Variants in LAMA2 observed in about 807,000 individuals in gnomAD.
LAMA2 encodes the protein laminin subunit alpha 2.
In LAMA2, 269 loss-of-function variants were observed where a neutral mutation model predicts 364.8. The ratio of observed to expected loss-of-function variants is 0.74; its 90% CI spans 0.67 to 0.82. The LOEUF is 0.82. Among genes scored for constraint, LAMA2 ranks in the 40% least tolerant of loss-of-function variants. The probability of loss-of-function intolerance (pLI) is 0.00; values close to 1 mark genes in which losing one functional copy is unlikely to be tolerated. For missense variants in LAMA2, 3,807 were observed against 3,873.2 expected (o/e 0.98, Z 0.45); for synonymous variants, 1,379 against 1,370.6 (o/e 1.01, Z -0.14).
chr6:128,929,895 A>T lies in LAMA2; in HGVS notation c.112+46538A>T. On this transcript the variant is annotated intron_variant, in intron 1 of 64. Transcript: ENST00000421865. ...TGAAGATCAGGTGACAGCTGAGTGT[A>T]TGGGATGTGCAGGTACGCAGCAAGC... 3.4e-6 allele frequency: 3 copies of T among 877,776 alleles called. No homozygotes were observed. The South Asian group carries it at 4.3e-5, about 13-fold the overall frequency. The allele number at this position is 877,776 out of a possible 1,614,324, so 54.4% of individuals were successfully genotyped here.
intron 24 of LAMA2, 43 bp downstream of exon 24, chr6:129,314,841 T>C (rs1774478940): frequency 6.2e-7 from 1 of 1,608,210 alleles, no homozygotes; most frequent in Non-Finnish European, 8.5e-7. Flanking sequence ...ATAATGTTAG[T>C]TCCTGCTGGT....
intron 1 of LAMA2, among the ~76,000 whole-genome samples, chr6:128,898,279 C>A (rs1047823215): frequency 6.6e-6 from 1 of 152,034 alleles, no homozygotes; most frequent in Admixed American, 6.6e-5. Flanking sequence ...AATAGAACTG[C>A]CTATTTATTT....
At position 129,403,883 on chromosome 6, in the gene LAMA2, A is replaced by G. The variant is rs1780109609; in HGVS notation, c.5789A>G (p.Asn1930Ser). 1.2e-6 allele frequency: 2 copies of G among 1,613,814 alleles called. No individual in the cohort carries two copies. Among genetic ancestry groups the G allele is most frequent in the South Asian group, 1.1e-5 (1 of 91,072 alleles). ...ACTGCAGCCTTCAAAGCTTACAGCAATATTAAGGACTATATTGATGAAGCT... is the reference window on the plus strand; with the variant it reads ...ACTGCAGCCTTCAAAGCTTACAGCAGTATTAAGGACTATATTGATGAAGCT... ...NATAAFKAYSNIKDYIDEAEK... is the reference protein window; with the variant it reads ...NATAAFKAYSSIKDYIDEAEK... Residue 1930 changes from asparagine (N) to serine (S), a missense_variant, in exon 40 of 65, where the codon AAT (asparagine) becomes AGT (serine). Asn to Ser is a conservative substitution (Grantham distance 46, BLOSUM62 1). Around this residue, in one of 3 missense-constraint regions of LAMA2, gnomAD observed 3,333 missense variants for 3,345.7 expected, o/e 1.00. Coordinates refer to ENST00000421865, the MANE Select transcript of LAMA2 (RefSeq NM_000426.4).
intron 48 of LAMA2, among the ~76,000 whole-genome samples, chr6:129,459,244 A>G (rs1207324567): frequency 1.3e-5 from 2 of 152,148 alleles, no homozygotes; most frequent in African/African-American, 4.8e-5. Flanking sequence ...GTACCTAAAC[A>G]TAAACAAGGT....
chr6:128,965,771 T>G (rs1447110746), intron 1 of LAMA2, among the ~76,000 whole-genome samples: 1 of 152,024 alleles, frequency 6.6e-6, no homozygotes, highest in Admixed American at 6.6e-5. Context: ...TGTTTACAAG[T>G]GAATTGTCAA....
At chr6:128,949,461 G>C (rs1780676104) in intron 1 of LAMA2, among the ~76,000 whole-genome samples, 1 of 150,994 alleles carries the variant, frequency 6.6e-6, no homozygotes, top group Admixed American at 6.6e-5. Context: ...AACTTAAGGG[G>C]GAAAAAAAGA....
rs1422743660 is a variant in LAMA2 at position 129,064,252 on chromosome 6, T to C, written c.396+4356T>C. ...CAAATGAGAATGGACACACTAACAC[T>C]GATAAGAAGAAGCAAAAGCAGTTCT... On this transcript the variant is annotated intron_variant, in intron 3 of 64. Coordinates refer to ENST00000421865, the MANE Select transcript of LAMA2 (RefSeq NM_000426.4). Among the ~76,000 whole-genome samples, 5 of 150,748 alleles carry C rather than the reference T, an allele frequency of 3.3e-5. No individual in the cohort carries two copies. The South Asian group carries it at 1.0e-3, about 32-fold the overall frequency.
intron 1 of LAMA2, among the ~76,000 whole-genome samples, chr6:129,022,722 C>T (rs1004355859): frequency 6.6e-6 from 1 of 152,084 alleles, no homozygotes; most frequent in Non-Finnish European, 1.5e-5. Flanking sequence ...TAAGCAAAAA[C>T]AATTTTCATA....
At chr6:129,323,905 T>C (rs1003178763) in intron 28 of LAMA2, among the ~76,000 whole-genome samples, 1 of 152,248 alleles carries the variant, frequency 6.6e-6, no homozygotes, top group African/African-American at 2.4e-5. Flanking sequence ...CCGGTGTCTA[T>C]TGGATCGCCA....
chr6:128,939,057 T>G (rs1020937274), intron 1 of LAMA2, among the ~76,000 whole-genome samples: 2 of 152,152 alleles, frequency 1.3e-5, no homozygotes, highest in Non-Finnish European at 2.9e-5. Context: ...CCAGAGTGAA[T>G]TTCCAAAAAA....
chr6:129,433,984 A>G (rs1298618105), intron 41 of LAMA2, among the ~76,000 whole-genome samples: 1 of 152,174 alleles, frequency 6.6e-6, no homozygotes, highest in African/African-American at 2.4e-5. Context: ...GACAGAAATG[A>G]CATTTGAACC....
At chr6:129,242,775 T>C (rs1191358570) in intron 12 of LAMA2, among the ~76,000 whole-genome samples, 1 of 152,102 alleles carries the variant, frequency 6.6e-6, no homozygotes, top group Non-Finnish European at 1.5e-5. Context: ...CTTCAGAGAA[T>C]TTCACCACTA....
chr6:129,445,914 G>A (rs1266478901), intron 45 of LAMA2, 93 bp downstream of exon 45: 2 of 1,273,742 alleles, frequency 1.6e-6, no homozygotes, highest in Admixed American at 3.6e-5. Context: ...CCCGTTGAAT[G>A]ATCTTGGGTC....
chr6:129,139,159 G>A (rs1446946951), intron 4 of LAMA2, among the ~76,000 whole-genome samples: 2 of 152,088 alleles, frequency 1.3e-5, no homozygotes, highest in Non-Finnish European at 1.5e-5. Flanking sequence ...AAACCAAAAT[G>A]TACCTATTTA....
intron 8 of LAMA2, among the ~76,000 whole-genome samples, chr6:129,164,072 CTAATACAGTAGTCCTCCTT>C (rs1186001846): frequency 6.6e-6 from 1 of 152,108 alleles, no homozygotes; most frequent in Non-Finnish European, 1.5e-5. Flanking sequence ...TCCTGTATAT[CTAATACAGTAGTCCTCCTT>C]TATTCACAGA....
At chr6:129,251,139 G>A (rs1786209487) in intron 13 of LAMA2, among the ~76,000 whole-genome samples, 2 of 132,422 alleles carry the variant, frequency 1.5e-5, no homozygotes, top group Admixed American at 8.3e-5. Flanking sequence ...ATTCCTTTAA[G>A]GTGAAAAGAG....
Position 129,078,055 on chromosome 6 carries a change from A to G in LAMA2, c.396+18159A>G, listed in dbSNP as rs573546780. Among the ~76,000 whole-genome samples, 5 of 152,170 alleles carry G rather than the reference A, an allele frequency of 3.3e-5. No individual in the cohort carries two copies. In the South Asian group the frequency reaches 1.0e-3, roughly 32 times the overall value. ...TCATTTCATCAGTCATTACAAATGT[A>G]CTACTCTACTGGGGGATAGTGATAA... On this transcript the variant is annotated intron_variant, in intron 3 of 64. Coordinates refer to ENST00000421865, the MANE Select transcript of LAMA2 (RefSeq NM_000426.4).
chr6:128,989,190 A>G (rs1366439088), intron 1 of LAMA2, among the ~76,000 whole-genome samples: 1 of 152,200 alleles, frequency 6.6e-6, no homozygotes. Flanking sequence ...AGTTCTAACA[A>G]TACAATTTAT....
chr6:129,108,023 T>TAAA (rs1380102348), intron 4 of LAMA2, among the ~76,000 whole-genome samples: 1 of 152,072 alleles, frequency 6.6e-6, no homozygotes, highest in Non-Finnish European at 1.5e-5. Flanking sequence ...TGTTTTAGGT[T>TAAA]AAAAAAATTC....
Sources: gnomAD v4.1 joint callset for allele counts (sites outside exome capture counted in the v4.1 genomes callset) on GRCh38, gnomAD v4.1.1 for gene constraint, gnomAD v4.1.1 regional missense constraint, MANE v1.5 for transcripts, NCBI Gene and HGNC (gene_info 2026-07-23, HGNC 2026-07-21) for gene names.